TNRC18: variants seen among roughly 807,000 people sequenced by gnomAD.
TNRC18 encodes trinucleotide repeat containing 18.
A neutral mutation model predicts 226.7 loss-of-function variants in TNRC18; 69 were observed. The ratio of observed to expected loss-of-function variants is 0.30; its 90% CI spans 0.25 to 0.37. TNRC18 has a LOEUF of 0.37. Among genes scored for constraint, TNRC18 ranks in the 10% least tolerant of loss-of-function variants. The pLI is 1.00. For synonymous variants in TNRC18, 2,449 were observed against 1,927.6 expected (o/e 1.27, Z -7.09); for missense variants, 4,754 against 4,256.6 (o/e 1.12, Z -3.25).
At chr7:5,395,975 C>G (rs1213629638) in intron 2 of TNRC18, among the ~76,000 whole-genome samples, 4 of 145,736 alleles carry the variant, frequency 2.7e-5, no homozygotes, top group African/African-American at 1.0e-4. Flanking sequence ...CCAGCCTGGG[C>G]GACAGAGAGA....
chr7:5,394,036 G>A lies in TNRC18; in HGVS notation c.343+404C>T, dbSNP rs766459879. Among the ~76,000 whole-genome samples the A allele has an allele frequency of 6.6e-5, 10 of 152,088 alleles. No individual in the cohort carries two copies. The highest frequency in any genetic ancestry group is 1.5e-4 in the Non-Finnish European group (10 of 68,024). On this transcript the variant is annotated intron_variant, in intron 3 of 29. Transcript: ENST00000430969. The surrounding 1 kb of genome is among the most constrained non-coding windows in gnomAD (Gnocchi z 4.5). ...TCCTGTAATTATTAATGAGCCTACT[G>A]TGTACCAGGGATACAGTGCTGAGTA...
At chr7:5,368,353 G>GT (rs1199545742) in intron 11 of TNRC18, among the ~76,000 whole-genome samples, 1 of 150,416 alleles carries the variant, frequency 6.6e-6, no homozygotes, top group Non-Finnish European at 1.5e-5. Flanking sequence ...TTTGAAAAAT[G>GT]TTTAATAAAG....
At chr7:5,345,515 C>A in intron 18 of TNRC18, 47 bp downstream of exon 18, 2 of 347,090 alleles carry the variant, frequency 5.8e-6, no homozygotes, top group East Asian at 5.0e-5. Context: ...GCAATGGCGT[C>A]CGCCCCTCCC....
intron 17 of TNRC18, among the ~76,000 whole-genome samples, chr7:5,347,657 CCT>C (rs903468718): frequency 2.7e-5 from 4 of 145,878 alleles, no homozygotes; most frequent in African/African-American, 5.1e-5. Context: ...AGAGCGAGAC[CCT>C]GTCTCAAAAA....
chr7:5,360,513 A>T (rs1792924431), intron 14 of TNRC18, among the ~76,000 whole-genome samples: 1 of 152,174 alleles, frequency 6.6e-6, no homozygotes, highest in African/African-American at 2.4e-5. Context: ...TACAGGCGTG[A>T]GCCACCGTGG....
Position 5,388,189 on chromosome 7 carries a change from G to T in TNRC18, c.1635C>A (p.Ser545=). 1 of 1,588,924 alleles carries T rather than the reference G, an allele frequency of 6.3e-7. No homozygotes were observed. The highest frequency in any genetic ancestry group is 8.6e-7 in the Non-Finnish European group (1 of 1,169,350). Residue 545 remains serine (S), a synonymous_variant, in exon 5 of 30, where the codon TCC becomes TCA. Coordinates refer to ENST00000430969, the MANE Select transcript of TNRC18 (RefSeq NM_001080495.3). The part of the protein sequence containing the change: ...AEEEAAVVAA[S]SSKKAYLDPG... ...GGTCCAGGTAGGCCTTCTTGGAGGA[G>T]GAGGCAGCGACCACGGCGGCCTCCT...
intron 2 of TNRC18, among the ~76,000 whole-genome samples, chr7:5,400,470 C>A (rs1197375632): frequency 1.3e-5 from 2 of 151,982 alleles, no homozygotes; most frequent in Non-Finnish European, 2.9e-5. Flanking sequence ...ATTAGCCGGG[C>A]ATGGTGTCGT....
At position 5,356,972 on chromosome 7, in the gene TNRC18, C is replaced by T. The variant is rs761094760; in HGVS notation, c.5138G>A (p.Gly1713Asp). The change falls in exon 16 of 30, where the codon GGC (glycine) becomes GAC (aspartate). Residue 1713 changes from glycine to aspartate, a missense_variant. Coordinates refer to ENST00000430969, the MANE Select transcript of TNRC18 (RefSeq NM_001080495.3). ...RKMEVGFKAR[G>D]QPKSAHSPFA... ...CGGGGAATGGGCCGACTTGGGCTGG[C>T]CTCTGGCCTTGAACCCCACCTCCAT... The T allele has an allele frequency of 6.4e-7, 1 of 1,552,060 alleles. No homozygotes were observed.
intron 3 of TNRC18, among the ~76,000 whole-genome samples, chr7:5,392,940 A>T (rs1422592554): frequency 6.6e-6 from 1 of 152,032 alleles, no homozygotes; most frequent in African/African-American, 2.4e-5. Flanking sequence ...TGAGCCTGGG[A>T]GGCGGAGGTT....
At chr7:5,319,969 T>C (rs1343423250) in intron 24 of TNRC18, among the ~76,000 whole-genome samples, 2 of 152,192 alleles carry the variant, frequency 1.3e-5, no homozygotes, top group East Asian at 1.9e-4. Flanking sequence ...GTAGGATCAA[T>C]GAAAACCATG....
At chr7:5,387,651 T>C (rs745550155) in intron 5 of TNRC18, 21 bp downstream of exon 5, 1 of 1,601,502 alleles carries the variant, frequency 6.2e-7, no homozygotes, top group Non-Finnish European at 8.5e-7. Context: ...TACCCGCACC[T>C]GGGCTCTGCC....
At chr7:5,416,963 C>T (rs1310141621) in intron 2 of TNRC18, among the ~76,000 whole-genome samples, 1 of 145,430 alleles carries the variant, frequency 6.9e-6, no homozygotes, top group Non-Finnish European at 1.5e-5. Context: ...TCCTGGTTGA[C>T]AGAGTAAAAC....
chr7:5,359,219 T>C (rs1303180250), intron 15 of TNRC18, among the ~76,000 whole-genome samples, 179 bp downstream of exon 15: 1 of 152,198 alleles, frequency 6.6e-6, no homozygotes, highest in Non-Finnish European at 1.5e-5. Context: ...CTCTGGGCCT[T>C]AATCTCCCCC....
intron 2 of TNRC18, among the ~76,000 whole-genome samples, chr7:5,407,808 C>T (rs1056607037): frequency 1.3e-5 from 2 of 152,164 alleles, no homozygotes; most frequent in Non-Finnish European, 1.5e-5. Context: ...TGGTTTCCCC[C>T]CTACCGAGAC....
chr7:5,387,620 C>T (rs1374414776), intron 5 of TNRC18, 52 bp downstream of exon 5: 21 of 1,593,846 alleles, frequency 1.3e-5, no homozygotes, highest in East Asian at 4.5e-5. Flanking sequence ...GTACGGGAAA[C>T]GGCAGAGAGA....
chr7:5,382,016 GATAA>G (rs897407427), intron 5 of TNRC18, among the ~76,000 whole-genome samples: 17 of 151,980 alleles, frequency 1.1e-4, no homozygotes, highest in African/African-American at 2.7e-4. Context: ...AAATAAAGTG[GATAA>G]ATAAACAAAG....
intron 17 of TNRC18, among the ~76,000 whole-genome samples, chr7:5,346,558 CA>C (rs1791218906): frequency 1.3e-5 from 2 of 152,168 alleles, no homozygotes; most frequent in Non-Finnish European, 2.9e-5. Flanking sequence ...CCTGTAATCC[CA>C]ACACTTTGGG....
At position 5,359,420 on chromosome 7, in the gene TNRC18, G is replaced by C. The variant is rs759382667; in HGVS notation, c.4811C>G (p.Ala1604Gly). Residue 1604 changes from alanine (A) to glycine (G), a missense_variant, in exon 15 of 30, where the codon GCC becomes GGC. Ala to Gly is a moderately conservative substitution (Grantham distance 60). Coordinates refer to ENST00000430969, the MANE Select transcript of TNRC18 (RefSeq NM_001080495.3). Reference protein sequence around the residue: ...GRNQTWDEHEASSDFISQLKI... With the variant: ...GRNQTWDEHEGSSDFISQLKI... ...CACCTGACTGATGAAGTCCGACGAG[G>C]CCTCATGTTCATCCCAAGTCTGGTT... 6.8e-6 allele frequency: 11 copies of C among 1,614,028 alleles called. No individual in the cohort carries two copies. The highest frequency in any genetic ancestry group is 9.3e-6 in the Non-Finnish European group (11 of 1,179,904).
chr7:5,421,399 G>A lies in TNRC18; in HGVS notation c.-153C>T, dbSNP rs1481030243. 24 of 653,802 alleles carry A rather than the reference G, an allele frequency of 3.7e-5. No individual in the cohort carries two copies. The highest frequency in any genetic ancestry group is 4.7e-5 in the Non-Finnish European group (24 of 507,850). 40.5% of individuals were successfully genotyped at this position (653,802 alleles called of 1,614,324 possible). A position where few individuals can be genotyped will look rare whatever the true frequency, so the allele number is the denominator to read the frequency against. On this transcript the variant is annotated 5_prime_UTR_variant, in exon 2 of 30. Coordinates refer to ENST00000430969, the MANE Select transcript of TNRC18 (RefSeq NM_001080495.3). The stretch of plus-strand genomic sequence containing the variant: ...GCGGCCAGCGGGGCTTGCGCTCGGC[G>A]GCGGGCCCGCGGCCCGGGGCGCACA...
Sources: gnomAD v4.1 joint callset for allele counts (sites outside exome capture counted in the v4.1 genomes callset) on GRCh38, gnomAD v4.1.1 for gene constraint, Gnocchi (gnomAD v3.1) non-coding constraint, MANE v1.5 for transcripts, NCBI Gene and HGNC (gene_info 2026-07-23, HGNC 2026-07-21) for gene names.